PRKAG2: variants seen among roughly 807,000 people sequenced by gnomAD.
The protein encoded by PRKAG2 is 5'-AMP-activated protein kinase subunit gamma-2.
A neutral mutation model predicts 69.6 loss-of-function variants in PRKAG2; 26 were observed. The observed-to-expected ratio is 0.37, with a 90% CI of 0.27 to 0.52. PRKAG2 has a LOEUF of 0.52. Among genes scored for constraint, PRKAG2 ranks in the 20% least tolerant of loss-of-function variants. The probability of loss-of-function intolerance (pLI) is 0.90; values close to 1 mark genes in which losing one functional copy is unlikely to be tolerated. For synonymous variants in PRKAG2, 293 were observed against 285.0 expected, an observed-to-expected ratio of 1.03 and a Z score of -0.28; for missense variants, 557 against 740.0, an observed-to-expected ratio of 0.75 and a Z score of 2.87.
At chr7:151,680,173 G>A (rs1053012453) in intron 3 of PRKAG2, among the ~76,000 whole-genome samples, 29 of 152,152 alleles carry the variant, frequency 1.9e-4, no homozygotes, top group African/African-American at 7.0e-4. Context: ...CCACAAACGC[G>A]CATGTTCCTG....
intron 1 of PRKAG2, among the ~76,000 whole-genome samples, chr7:151,874,085 GTA>G (rs1205972952): frequency 7.0e-6 from 1 of 143,360 alleles, no homozygotes; most frequent in African/African-American, 2.6e-5. Context: ...ATATGTATAT[GTA>G]TATGATGTAT....
At chr7:151,762,683 C>T (rs919743406) in intron 3 of PRKAG2, among the ~76,000 whole-genome samples, 1 of 152,196 alleles carries the variant, frequency 6.6e-6, no homozygotes, top group African/African-American at 2.4e-5. Context: ...TGCCTTTTGC[C>T]AGGATGAGCA....
intron 3 of PRKAG2, among the ~76,000 whole-genome samples, chr7:151,742,826 C>T (rs1276516947): frequency 6.6e-6 from 1 of 152,124 alleles, no homozygotes; most frequent in Non-Finnish European, 1.5e-5. Context: ...CAAAAAACTC[C>T]TCACTGCTGG....
intron 3 of PRKAG2, chr7:151,736,067 G>A: frequency 6.5e-7 from 1 of 1,531,824 alleles, no homozygotes; most frequent in South Asian, 1.2e-5. Context: ...GCCCCAGGTG[G>A]CCGGGAGCCA....
chr7:151,836,825 G>A lies in PRKAG2; in HGVS notation c.114+39682C>T, dbSNP rs956441393. On this transcript the variant is annotated intron_variant, in intron 1 of 15. Transcript: ENST00000287878. The surrounding 1 kb of genome is among the most constrained non-coding windows in gnomAD (Gnocchi z 4.1). ...TAATGTCCTGTGACAAATTCACTTA[G>A]GACTAAGAAGCCACTGAGAATATTC... 2.6e-5 allele frequency among the ~76,000 whole-genome samples: 4 copies of A among 152,198 alleles called. No homozygotes were observed. The highest frequency in any genetic ancestry group is 6.5e-5 in the Admixed American group (1 of 15,284).
At chr7:151,572,958 C>CA (rs1404858585) in intron 8 of PRKAG2, among the ~76,000 whole-genome samples, 2 of 151,910 alleles carry the variant, frequency 1.3e-5, no homozygotes, top group African/African-American at 2.4e-5. Flanking sequence ...ACTAAAAATA[C>CA]AAAAATTAGC....
chr7:151,845,774 C>A (rs1045126034), intron 1 of PRKAG2, among the ~76,000 whole-genome samples: 3 of 152,204 alleles, frequency 2.0e-5, no homozygotes, highest in African/African-American at 7.2e-5. Context: ...AAAGGCCCCA[C>A]CTAGGAGATC....
intron 4 of PRKAG2, among the ~76,000 whole-genome samples, chr7:151,662,820 G>A (rs1830517524): frequency 6.6e-6 from 1 of 152,170 alleles, no homozygotes; most frequent in South Asian, 2.1e-4. Context: ...GATAGCTTGA[G>A]CCCAGGAGTT....
At chr7:151,739,658 C>T (rs180868289) in intron 3 of PRKAG2, among the ~76,000 whole-genome samples, 44 of 151,970 alleles carry the variant, frequency 2.9e-4, no homozygotes, top group African/African-American at 8.7e-4. Flanking sequence ...TTCGTAGAGA[C>T]GGGGGTTTCG....
intron 6 of PRKAG2, among the ~76,000 whole-genome samples, chr7:151,582,934 G>A (rs1268008260): frequency 6.6e-6 from 1 of 152,232 alleles, no homozygotes; most frequent in African/African-American, 2.4e-5. Context: ...AAGATGTTCA[G>A]TATGGTGCTC....
chr7:151,865,628 G>A (rs2080045340), intron 1 of PRKAG2, among the ~76,000 whole-genome samples: 1 of 152,194 alleles, frequency 6.6e-6, no homozygotes, highest in African/African-American at 2.4e-5. Flanking sequence ...GCCAGGCAGG[G>A]CTTCCTGATT....
intron 3 of PRKAG2, among the ~76,000 whole-genome samples, chr7:151,755,648 A>T (rs2075032305): frequency 6.6e-6 from 1 of 152,250 alleles, no homozygotes; most frequent in Non-Finnish European, 1.5e-5. Context: ...CAGCTGCACC[A>T]TTAGTTTATA....
At chr7:151,631,518 T>G (rs1267397599) in intron 5 of PRKAG2, 4 of 293,178 alleles carry the variant, frequency 1.4e-5, no homozygotes, top group South Asian at 2.7e-5. Flanking sequence ...AACAACCAAG[T>G]GAGAGGAGAG....
chr7:151,774,935 A>G (rs928171374), intron 3 of PRKAG2, among the ~76,000 whole-genome samples: 6 of 152,270 alleles, frequency 3.9e-5, no homozygotes, highest in East Asian at 1.9e-4. Context: ...ATAGGACAGA[A>G]AGATGAGATG....
Position 151,617,062 on chromosome 7 carries a change from C to A in PRKAG2, c.754+15007G>T, listed in dbSNP as rs1320659610. 8.6e-5 allele frequency among the ~76,000 whole-genome samples: 13 copies of A among 151,966 alleles called. No individual in the cohort carries two copies. The Middle Eastern group carries it at 0.01, about 119-fold the overall frequency. ...ATCGCCTGAGGTCAAGAGTACAAGA[C>A]CAGCCTGACCAACGTGGAGAAACCC... On this transcript the variant is annotated intron_variant, in intron 5 of 15. Transcript: ENST00000287878.
At chr7:151,696,018 G>C (rs1256907603) in intron 3 of PRKAG2, among the ~76,000 whole-genome samples, 1 of 152,162 alleles carries the variant, frequency 6.6e-6, no homozygotes, top group Non-Finnish European at 1.5e-5. Context: ...CGGGCCTGAT[G>C]CCGGCATAAG....
At chr7:151,584,527 T>G (rs758560174) in intron 6 of PRKAG2, among the ~76,000 whole-genome samples, 1 of 150,756 alleles carries the variant, frequency 6.6e-6, no homozygotes, top group East Asian at 2.0e-4. Flanking sequence ...GAAAAAACAA[T>G]GGGAAAAGAA....
intron 5 of PRKAG2, among the ~76,000 whole-genome samples, 172 bp from the exon 6 acceptor site, chr7:151,595,626 A>G (rs1814305685): frequency 6.6e-6 from 1 of 152,202 alleles, no homozygotes. Flanking sequence ...TATGAACACT[A>G]TATTGGAGGT....
chr7:151,813,539 TGTCACA>T (rs1463177066), intron 1 of PRKAG2, among the ~76,000 whole-genome samples: 4 of 150,258 alleles, frequency 2.7e-5, no homozygotes, highest in Non-Finnish European at 5.9e-5. Flanking sequence ...CATGCATCAA[TGTCACA>T]GAAGGGCGAC....
Sources: gnomAD v4.1 joint callset for allele counts (sites outside exome capture counted in the v4.1 genomes callset) on GRCh38, gnomAD v4.1.1 for gene constraint, Gnocchi (gnomAD v3.1) non-coding constraint, MANE v1.5 for transcripts, NCBI Gene and HGNC (gene_info 2026-07-23, HGNC 2026-07-21) for gene names.